FAM107B: variants seen among roughly 807,000 people sequenced by gnomAD.
The protein encoded by FAM107B is family with sequence similarity 107 member B.
Under a neutral mutation model 31.5 loss-of-function variants are expected in FAM107B, and 21 were observed. The observed-to-expected ratio is 0.67, with a 90% CI of 0.47 to 0.96. The LOEUF (loss-of-function observed/expected upper bound fraction) is 0.96, where lower values mean the gene tolerates loss of function less well. FAM107B is among the 40% of genes least tolerant of loss of function. The probability of loss-of-function intolerance (pLI) is 0.00; values close to 1 mark genes in which losing one functional copy is unlikely to be tolerated. For missense variants in FAM107B, 452 were observed against 377.1 expected (o/e 1.20, Z -1.64); for synonymous variants, 157 against 141.5 (o/e 1.11, Z -0.78).
In FAM107B at chr10:14,558,845, A is replaced by T. The variant is rs75254591; in HGVS notation, c.470-28330T>A. Reference sequence around the variant, plus strand: ...TGAACTTGAATTCTTACTTGCTTCCAAAAGCTCTATATGAAGGGGAGCCCA... The same window carrying T: ...TGAACTTGAATTCTTACTTGCTTCCTAAAGCTCTATATGAAGGGGAGCCCA... On this transcript the variant is annotated intron_variant, in intron 2 of 4. Coordinates refer to ENST00000181796, the MANE Select transcript of FAM107B (RefSeq NM_031453.4). Among the ~76,000 whole-genome samples, 1,305 of 152,296 alleles carry T rather than the reference A, an allele frequency of 8.6e-3. 17 individuals carry two copies. The highest frequency in any genetic ancestry group is 0.03 in the African/African-American group (1,245 of 41,546).
rs528394628 is a variant in FAM107B at position 14,565,080 on chromosome 10, A to C, written c.470-34565T>G. ...AAAAAATCAATTTAATTCTTTAAAA[A>C]ATTGGGCTGAAAATTAAAACAAACT... On this transcript the variant is annotated intron_variant, in intron 2 of 4. Transcript: ENST00000181796. 5.9e-5 allele frequency among the ~76,000 whole-genome samples: 9 copies of C among 152,346 alleles called. No individual in the cohort carries two copies. The South Asian group carries it at 1.9e-3, about 32-fold the overall frequency.
intron 2 of FAM107B, among the ~76,000 whole-genome samples, chr10:14,552,696 GCA>G (rs1849368071): frequency 6.6e-6 from 1 of 151,946 alleles, no homozygotes; most frequent in Non-Finnish European, 1.5e-5. Flanking sequence ...AATTAGCCAG[GCA>G]CACACTCGTA....
chr10:14,541,223 C>T (rs138753319), intron 2 of FAM107B, among the ~76,000 whole-genome samples: 19 of 152,258 alleles, frequency 1.2e-4, no homozygotes, highest in Non-Finnish European at 1.8e-4. Flanking sequence ...CCCTCTAATC[C>T]GGCTGCATCC....
chr10:14,524,331 C>T (rs1226577072), intron 3 of FAM107B, among the ~76,000 whole-genome samples: 3 of 152,138 alleles, frequency 2.0e-5, no homozygotes, highest in Non-Finnish European at 4.4e-5. Context: ...GCATCAGCAA[C>T]CACACCCAGC....
intron 2 of FAM107B, among the ~76,000 whole-genome samples, chr10:14,657,231 C>G (rs939225368): frequency 3.3e-5 from 5 of 152,208 alleles, no homozygotes; most frequent in Non-Finnish European, 7.3e-5. Context: ...GAGGGGAAAG[C>G]ACAGACTGCT....
chr10:14,642,355 AG>A (rs368185165), intron 2 of FAM107B, among the ~76,000 whole-genome samples: 1 of 152,192 alleles, frequency 6.6e-6, no homozygotes, highest in African/African-American at 2.4e-5. Context: ...GCAAAGCTTC[AG>A]GTAGGGGCTT....
rs145902793 is a variant in FAM107B at position 14,521,067 on chromosome 10, C to T, written c.*123G>A. On this transcript the variant is annotated 3_prime_UTR_variant, in exon 5 of 5. Coordinates refer to ENST00000181796, the MANE Select transcript of FAM107B (RefSeq NM_031453.4). ...AGATCGTAGGAAAATCAAACCAAAT[C>T]CTACTGCAAGTCAAAATTCTCTGCT... 142 of 777,738 alleles carry T rather than the reference C, an allele frequency of 1.8e-4. 1 individual carries two copies. The African/African-American group carries it at 2.3e-3, about 12-fold the overall frequency. The allele number at this position is 777,738 out of a possible 1,614,324, so 48.2% of individuals were successfully genotyped here.
At chr10:14,651,883 G>GAT (rs1456692369) in intron 2 of FAM107B, among the ~76,000 whole-genome samples, 3 of 152,168 alleles carry the variant, frequency 2.0e-5, no homozygotes, top group Non-Finnish European at 4.4e-5. Context: ...ACCAGAGTGT[G>GAT]ATACCAAGAC....
At chr10:14,667,575 C>G in intron 2 of FAM107B, 59 bp downstream of exon 2, 1 of 1,579,514 alleles carries the variant, frequency 6.3e-7, no homozygotes, top group African/African-American at 1.4e-5. Context: ...TTAGGATGCT[C>G]CAAGCACTTC....
Position 14,772,938 on chromosome 10 carries a change from C to T in FAM107B, c.411+1315G>A, listed in dbSNP as rs564562077. The stretch of plus-strand genomic sequence containing the variant: ...CTGCATTGCTCAACAGAAAGTCTTC[C>T]GGTTCATTAAAACTGTACATCATTG... On this transcript the variant is annotated intron_variant, in intron 1 of 4. Coordinates refer to ENST00000181796, the MANE Select transcript of FAM107B (RefSeq NM_031453.4). Among the ~76,000 whole-genome samples the T allele has an allele frequency of 1.3e-5, 2 of 152,236 alleles. 1 individual carries two copies. The highest frequency in any genetic ancestry group is 4.1e-4 in the South Asian group (2 of 4,820).
chr10:14,582,976 CTT>C (rs1219224956), intron 2 of FAM107B, among the ~76,000 whole-genome samples: 5 of 151,478 alleles, frequency 3.3e-5, no homozygotes, highest in Non-Finnish European at 7.4e-5. Context: ...ATCCCAGCTA[CTT>C]GGGAGGCTAA....
At chr10:14,608,414 A>G (rs1223566223) in intron 2 of FAM107B, among the ~76,000 whole-genome samples, 1 of 152,202 alleles carries the variant, frequency 6.6e-6, no homozygotes, top group Non-Finnish European at 1.5e-5. Flanking sequence ...TTTGCTCACA[A>G]TACTGTGGGT....
chr10:14,573,629 G>A (rs536069180), intron 2 of FAM107B, among the ~76,000 whole-genome samples: 3 of 150,756 alleles, frequency 2.0e-5, no homozygotes, highest in South Asian at 2.1e-4. Context: ...CTGTAGTCCC[G>A]GCTACTTGGG....
chr10:14,551,042 T>C (rs903836727), intron 2 of FAM107B, among the ~76,000 whole-genome samples: 112 of 152,292 alleles, frequency 7.4e-4, no homozygotes, highest in African/African-American at 2.6e-3. Flanking sequence ...TAGTTTTACC[T>C]CCTTAAATGG....
chr10:14,577,022 T>G lies in FAM107B; in HGVS notation c.470-46507A>C, dbSNP rs543956041. On this transcript the variant is annotated intron_variant, in intron 2 of 4. Transcript: ENST00000181796. ...TTGATCAATAATTGTTTCTTCATAT[T>G]GTCAATGTATGCTTACAAAGAAGTT... Among the ~76,000 whole-genome samples, 90 of 152,374 alleles carry G rather than the reference T, an allele frequency of 5.9e-4. 1 individual carries two copies. Among genetic ancestry groups the G allele is most frequent in the African/African-American group, 2.0e-3 (85 of 41,596 alleles).
chr10:14,592,972 T>C (rs1852068928), intron 2 of FAM107B, among the ~76,000 whole-genome samples: 1 of 152,202 alleles, frequency 6.6e-6, no homozygotes, highest in South Asian at 2.1e-4. Flanking sequence ...AACTGGCCAC[T>C]GCACTGCCTG....
At chr10:14,572,252 G>A in intron 2 of FAM107B, 1 of 985,446 alleles carries the variant, frequency 1.0e-6, no homozygotes. Context: ...AGAACGTGCT[G>A]GCAGCACTGG....
intron 1 of FAM107B, among the ~76,000 whole-genome samples, chr10:14,690,245 C>A (rs1309569751): frequency 6.6e-6 from 1 of 152,194 alleles, no homozygotes; most frequent in African/African-American, 2.4e-5. Context: ...GACACTTACT[C>A]CACTGGCTCT....
At chr10:14,594,068 C>A (rs1852103215) in intron 2 of FAM107B, among the ~76,000 whole-genome samples, 1 of 152,244 alleles carries the variant, frequency 6.6e-6, no homozygotes, top group Admixed American at 6.5e-5. Flanking sequence ...CTCAAACACA[C>A]AGGCTCTGCC....
Sources: allele counts gnomAD v4.1 joint callset (sites outside exome capture counted in the v4.1 genomes callset), GRCh38; gene constraint gnomAD v4.1.1; transcripts MANE v1.5; gene names NCBI Gene and HGNC (gene_info 2026-07-23, HGNC 2026-07-21).